PCDHA11: variants seen among roughly 807,000 people sequenced by gnomAD.
PCDHA11 encodes protocadherin alpha-11.
PCDHA11 carries 61 observed loss-of-function variants against 70.3 expected under a neutral mutation model. The ratio of observed to expected loss-of-function variants is 0.87; its 90% CI spans 0.71 to 1.07. The LOEUF (loss-of-function observed/expected upper bound fraction) is 1.07, where lower values mean the gene tolerates loss of function less well. Among genes scored for constraint, PCDHA11 ranks in the 50% least tolerant of loss-of-function variants. The pLI, the probability that PCDHA11 is intolerant of heterozygous loss-of-function variation, is 0.00. For missense variants in PCDHA11, 1,324 were observed against 1,237.5 expected, an observed-to-expected ratio of 1.07 and a Z score of -1.05; for synonymous variants, 633 against 555.1, an observed-to-expected ratio of 1.14 and a Z score of -1.97.
intron 1 of PCDHA11, chr5:140,966,522 G>C (rs1350046535): frequency 2.3e-6 from 1 of 437,158 alleles, no homozygotes; most frequent in Non-Finnish European, 4.0e-6. Context: ...GCAGGAAGCC[G>C]AGCCGGGTTG....
intron 1 of PCDHA11, among the ~76,000 whole-genome samples, chr5:140,919,522 CT>C (rs1554199133): frequency 1.3e-5 from 2 of 152,000 alleles, no homozygotes; most frequent in Non-Finnish European, 2.9e-5. Flanking sequence ...TTTTAATTCT[CT>C]TTTTTTCCTA....
At position 140,869,664 on chromosome 5, in the gene PCDHA11, G is replaced by A. The variant is rs1554163333; in HGVS notation, c.561G>A (p.Lys187=). ...YFSLDSPTNG[K]QIKRLSLILK... is the part of the protein sequence containing the mutation. Reference sequence around the variant, plus strand: ...CTTTAGATTCACCAACAAATGGTAAGCAGATTAAAAGACTGTCACTTATTT... The same window carrying A: ...CTTTAGATTCACCAACAAATGGTAAACAGATTAAAAGACTGTCACTTATTT... Residue 187 remains lysine (K), a synonymous_variant, in exon 1 of 4, where the codon AAG becomes AAA. Coordinates refer to ENST00000398640, the MANE Select transcript of PCDHA11 (RefSeq NM_018902.5). 5.0e-6 allele frequency: 8 copies of A among 1,613,474 alleles called. No individual in the cohort carries two copies. The highest frequency in any genetic ancestry group is 6.8e-6 in the Non-Finnish European group (8 of 1,179,862).
At chr5:140,998,380 A>G (rs921989792) in intron 3 of PCDHA11, among the ~76,000 whole-genome samples, 2 of 152,188 alleles carry the variant, frequency 1.3e-5, no homozygotes, top group African/African-American at 4.8e-5. Context: ...GTCTCTAGAA[A>G]GTTTAATGCC....
chr5:141,001,913 C>T (rs545106723), intron 3 of PCDHA11, among the ~76,000 whole-genome samples: 2 of 152,296 alleles, frequency 1.3e-5, no homozygotes, highest in South Asian at 2.1e-4. Flanking sequence ...AAAAAGACTG[C>T]AGTGGCTGAC....
intron 3 of PCDHA11, among the ~76,000 whole-genome samples, chr5:140,986,222 G>A (rs1554247822): frequency 1.3e-5 from 2 of 152,164 alleles, no homozygotes; most frequent in African/African-American, 4.8e-5. Flanking sequence ...CCTTTCTCTA[G>A]CCTCCCCTCT....
intron 1 of PCDHA11, chr5:140,968,616 A>G (rs782318101): frequency 6.2e-7 from 1 of 1,614,154 alleles, no homozygotes; most frequent in Admixed American, 1.7e-5. Flanking sequence ...TCTGGGCAAA[A>G]TGCTTGGCTT....
chr5:140,972,512 C>T (rs1586536091), intron 1 of PCDHA11, among the ~76,000 whole-genome samples: 1 of 152,018 alleles, frequency 6.6e-6, no homozygotes, highest in Non-Finnish European at 1.5e-5. Context: ...GATTTTACCC[C>T]CAGTGAGCTT....
chr5:141,009,606 T>C (rs2098413036), intron 3 of PCDHA11, 21 bp from the exon 4 acceptor site: 1 of 1,609,858 alleles, frequency 6.2e-7, no homozygotes, highest in Non-Finnish European at 8.5e-7. Flanking sequence ...TGTTAATGAT[T>C]TGTAATGTTT....
chr5:140,952,327 A>G (rs1407008388), intron 1 of PCDHA11, among the ~76,000 whole-genome samples: 2 of 134,678 alleles, frequency 1.5e-5, no homozygotes, highest in Non-Finnish European at 1.6e-5. Flanking sequence ...AACAAGAGTG[A>G]AACTCCATCT....
intron 1 of PCDHA11, among the ~76,000 whole-genome samples, chr5:140,940,147 GT>G (rs1459512201): frequency 6.6e-6 from 1 of 152,082 alleles, no homozygotes; most frequent in African/African-American, 2.4e-5. Flanking sequence ...AACTATTATA[GT>G]TTTTGTTTGC....
chr5:140,982,331 G>A lies in PCDHA11; in HGVS notation c.2451-144G>A, dbSNP rs1422921231. On this transcript the variant is annotated intron_variant, in intron 2 of 3. Coordinates refer to ENST00000398640, the MANE Select transcript of PCDHA11 (RefSeq NM_018902.5). ...GCAGTTTATGCAGGGTGACTGCTCA[G>A]CAGTAATTGCTTCAGTTCAAGCATG... The A allele has an allele frequency of 6.3e-6, 9 of 1,431,750 alleles. No individual in the cohort carries two copies. In the Admixed American group the frequency reaches 1.6e-4, roughly 26 times the overall value. 88.7% of individuals were successfully genotyped at this position (1,431,750 alleles called of 1,614,324 possible).
At chr5:140,916,606 C>A (rs561641984) in intron 1 of PCDHA11, among the ~76,000 whole-genome samples, 1 of 152,168 alleles carries the variant, frequency 6.6e-6, no homozygotes, top group African/African-American at 2.4e-5. Context: ...GGAATGCGGG[C>A]CTCATGACTC....
intron 1 of PCDHA11, among the ~76,000 whole-genome samples, chr5:140,944,007 C>T (rs1181625750): frequency 1.3e-5 from 2 of 152,046 alleles, no homozygotes; most frequent in Non-Finnish European, 2.9e-5. Flanking sequence ...TGAGTACCCC[C>T]CAAAAGCAAT....
chr5:140,874,295 C>G (rs1395734627), intron 1 of PCDHA11, among the ~76,000 whole-genome samples: 2 of 152,110 alleles, frequency 1.3e-5, no homozygotes, highest in Non-Finnish European at 2.9e-5. Context: ...TCTATGTGTA[C>G]TTGTTCACAA....
intron 1 of PCDHA11, among the ~76,000 whole-genome samples, chr5:140,957,961 G>C (rs1188264296): frequency 6.6e-6 from 1 of 152,048 alleles, no homozygotes; most frequent in Non-Finnish European, 1.5e-5. Flanking sequence ...TATTAATTCA[G>C]AGATGCTGTA....
In PCDHA11 at chr5:140,868,967, A is replaced by C. The variant is rs2050769969; in HGVS notation, c.-137A>C. 1.4e-6 allele frequency: 2 copies of C among 1,435,752 alleles called. No individual in the cohort carries two copies. Among genetic ancestry groups the C allele is most frequent in the South Asian group, 1.4e-5 (1 of 69,814 alleles). 88.9% of individuals were successfully genotyped at this position (1,435,752 alleles called of 1,614,324 possible). On this transcript the variant is annotated 5_prime_UTR_variant, in exon 1 of 4. Coordinates refer to ENST00000398640, the MANE Select transcript of PCDHA11 (RefSeq NM_018902.5). The stretch of plus-strand genomic sequence containing the variant: ...CAGTGAGGCACTCCCATACAAAGGA[A>C]CTCCATCATACCGGATGCCACCGTT...
intron 1 of PCDHA11, among the ~76,000 whole-genome samples, chr5:140,935,092 C>T (rs1015892831): frequency 2.6e-5 from 4 of 152,100 alleles, no homozygotes; most frequent in Non-Finnish European, 5.9e-5. Context: ...TTCCCAGAAT[C>T]AGCCATTTTT....
intron 3 of PCDHA11, among the ~76,000 whole-genome samples, chr5:141,006,540 A>T (rs868906531): frequency 1.6e-4 from 25 of 152,182 alleles, no homozygotes; most frequent in Admixed American, 3.3e-4. Context: ...AAAGAGAGAC[A>T]TTAAGAAATA....
intron 1 of PCDHA11, among the ~76,000 whole-genome samples, chr5:140,978,500 G>T (rs1480843119): frequency 2.0e-5 from 3 of 152,228 alleles, no homozygotes; most frequent in Non-Finnish European, 2.9e-5. Context: ...GCAGCAGATT[G>T]CAGTCCTCTG....
Sources: allele counts gnomAD v4.1 joint callset (sites outside exome capture counted in the v4.1 genomes callset), GRCh38; gene constraint gnomAD v4.1.1; transcripts MANE v1.5; gene names NCBI Gene and HGNC (gene_info 2026-07-23, HGNC 2026-07-21).